Variants in RAD52 observed in about 807,000 individuals in gnomAD.
The protein encoded by RAD52 is RAD52 DNA repair protein, also known as DNA repair protein RAD52 homolog.
A neutral mutation model predicts 55.5 loss-of-function variants in RAD52; 47 were observed. The observed-to-expected ratio is 0.85, with a 90% CI of 0.67 to 1.08. The LOEUF (loss-of-function observed/expected upper bound fraction) is 1.08, where lower values mean the gene tolerates loss of function less well. RAD52 is among the 50% of genes least tolerant of loss of function. RAD52 has a pLI of 0.00. For synonymous variants in RAD52, 184 were observed against 198.9 expected (o/e 0.92, Z 0.63); for missense variants, 468 against 522.8 (o/e 0.90, Z 1.02).
chr12:955,982 T>C (rs762550196), intron 1 of RAD52, among the ~76,000 whole-genome samples: 9 of 152,170 alleles, frequency 5.9e-5, no homozygotes, highest in Non-Finnish European at 1.3e-4. Context: ...GGTTTCACCA[T>C]GTTGGCTGCC....
At chr12:916,533 C>T (rs1163797797) in intron 8 of RAD52, 50 bp from the exon 9 acceptor site, 2 of 1,605,630 alleles carry the variant, frequency 1.2e-6, no homozygotes, top group Non-Finnish European at 8.5e-7. Context: ...ACAGCCGCGG[C>T]TGCTGGGAGG....
intron 1 of RAD52, among the ~76,000 whole-genome samples, chr12:988,647 G>A (rs528033982): frequency 3.9e-5 from 6 of 152,288 alleles, no homozygotes; most frequent in Non-Finnish European, 5.9e-5. Context: ...AAGACATGGC[G>A]GAGAAGGTCA....
intron 1 of RAD52, among the ~76,000 whole-genome samples, chr12:955,462 GTTC>G (rs138210801): frequency 0.44 from 65,142 of 149,094 alleles, 14,372 homozygotes; most frequent in Admixed American, 0.47. Context: ...GCAACGTACT[GTTC>G]TTCTTCTTCT....
At position 979,687 on chromosome 12, in the gene RAD52, C is replaced by T. The variant is rs548030428; in HGVS notation, c.-19+10122G>A. Among the ~76,000 whole-genome samples the T allele has an allele frequency of 1.4e-3, 220 of 152,296 alleles. 2 individuals carry two copies. The highest frequency in any genetic ancestry group is 1.1e-3 in the Non-Finnish European group (76 of 68,032). ...TTTCCAGCACCTTGATCTTGGACTTCTAGCCTCTAAAGCTGTGAGAAAATA... is the reference window on the plus strand; with the variant it reads ...TTTCCAGCACCTTGATCTTGGACTTTTAGCCTCTAAAGCTGTGAGAAAATA... On this transcript the variant is annotated intron_variant, in intron 1 of 11. Coordinates refer to the RAD52 transcript ENST00000430095.
At position 916,644 on chromosome 12, in the gene RAD52, G is replaced by A. The variant is rs1200878628; in HGVS notation, c.720C>T (p.Ser240=). ...AGGGGACTTAGGCCGCATACCGGGA[G>A]CTGCAGTCCTGGTCCGCCGGTATCA... The part of the protein sequence containing the change: ...HAVIPADQDC[S]SRSLSSSAVE... Residue 240 remains serine, a synonymous_variant, in exon 8 of 12, where the codon AGC becomes AGT. Coordinates refer to ENST00000358495, the MANE Select transcript of RAD52 (RefSeq NM_134424.4). 47 of 1,612,834 alleles carry A rather than the reference G, an allele frequency of 2.9e-5. No individual in the cohort carries two copies. Among genetic ancestry groups the A allele is most frequent in the Non-Finnish European group, 4.0e-5 (47 of 1,179,136 alleles).
intron 1 of RAD52, among the ~76,000 whole-genome samples, chr12:966,136 A>T (rs1168971591): frequency 6.6e-6 from 1 of 151,910 alleles, no homozygotes; most frequent in Non-Finnish European, 1.5e-5. Context: ...GTTAATTTTT[A>T]AAAATTTTTT....
At chr12:929,978 C>T in intron 4 of RAD52, 73 bp downstream of exon 4, 1 of 1,573,246 alleles carries the variant, frequency 6.4e-7, no homozygotes, top group Non-Finnish European at 8.8e-7. Flanking sequence ...CCTACCTTAC[C>T]TCCTCACCCA....
At chr12:936,113 G>A (rs995112562) in intron 1 of RAD52, among the ~76,000 whole-genome samples, 24 of 151,854 alleles carry the variant, frequency 1.6e-4, no homozygotes, top group African/African-American at 5.6e-4. Context: ...AGACGAGCCT[G>A]GTCAACATGG....
At chr12:971,685 T>C (rs1048233544) in intron 1 of RAD52, among the ~76,000 whole-genome samples, 5 of 152,200 alleles carry the variant, frequency 3.3e-5, no homozygotes, top group African/African-American at 9.6e-5. Context: ...AAAAGTACAA[T>C]GCCTAACAAG....
chr12:932,859 CTAGGTA>C lies in RAD52; in HGVS notation c.84+110_84+115del, dbSNP rs1565673309. ...GTACTAGGTACTGCTCACACACGTA[CTAGGTA>C]AACGTACTAGGTACTGCTCACACAT... On this transcript the variant is annotated intron_variant, in intron 2 of 11. Coordinates refer to ENST00000358495, the MANE Select transcript of RAD52 (RefSeq NM_134424.4). The C allele has an allele frequency of 3.6e-5, 25 of 693,826 alleles. No individual in the cohort carries two copies. The Admixed American group carries it at 3.7e-4, about 10-fold the overall frequency. 43.0% of individuals were successfully genotyped at this position (693,826 alleles called of 1,614,324 possible).
intron 1 of RAD52, among the ~76,000 whole-genome samples, chr12:946,893 C>T (rs1297535553): frequency 6.6e-6 from 1 of 152,198 alleles, no homozygotes; most frequent in Non-Finnish European, 1.5e-5. Context: ...TACAAGATAA[C>T]ACGTTTTGGT....
At chr12:932,785 C>T (rs11571403) in intron 2 of RAD52, among the ~76,000 whole-genome samples, 190 bp downstream of exon 2, 5 of 140,528 alleles carry the variant, frequency 3.6e-5, no homozygotes, top group South Asian at 2.2e-4. Flanking sequence ...TGCCCCCGCA[C>T]GCACCGCGTC....
In RAD52 at chr12:968,465, G is replaced by A. The variant is rs183429832; in HGVS notation, c.-19+21344C>T. ...TTGTCTGTCTGGTGCTTCCCGGGAA[G>A]ACCCCACTTGCAAGGCTGCCTTTAT... On this transcript the variant is annotated intron_variant, in intron 1 of 11. Coordinates refer to the RAD52 transcript ENST00000430095. Among the ~76,000 whole-genome samples, 4 of 152,038 alleles carry A rather than the reference G, an allele frequency of 2.6e-5. No homozygotes were observed. The East Asian group carries it at 7.7e-4, about 29-fold the overall frequency.
intron 1 of RAD52, among the ~76,000 whole-genome samples, chr12:942,641 G>A (rs1334499353): frequency 6.6e-6 from 1 of 152,004 alleles, no homozygotes; most frequent in Non-Finnish European, 1.5e-5. Flanking sequence ...CAGCTACTCG[G>A]GAGGCTGGGG....
chr12:919,778 C>A (rs1255009641), intron 7 of RAD52, among the ~76,000 whole-genome samples: 1 of 109,870 alleles, frequency 9.1e-6, no homozygotes, highest in African/African-American at 3.9e-5. Context: ...CTGGGCTCAG[C>A]GTGGTGGCTC....
chr12:925,367 C>T, intron 7 of RAD52, 83 bp downstream of exon 7: 1 of 1,197,544 alleles, frequency 8.4e-7, no homozygotes, highest in African/African-American at 1.5e-5. Context: ...CACTTTTTCT[C>T]CTTGCATCCT....
upstream of RAD52, among the ~76,000 whole-genome samples, chr12:952,729 TAAAAATACA>T (rs1433917683): frequency 6.7e-6 from 1 of 149,730 alleles, no homozygotes; most frequent in Non-Finnish European, 1.5e-5. Context: ...CCGTCTCTAC[TAAAAATACA>T]AAAATTAGCT....
intron 1 of RAD52, among the ~76,000 whole-genome samples, chr12:978,884 T>TGATAGGTA (rs754379225): frequency 3.6e-5 from 4 of 112,012 alleles, no homozygotes; most frequent in Middle Eastern, 4.5e-3. Flanking sequence ...AAAAAGTAGA[T>TGATAGGTA]GATAGGTAGA....
intron 7 of RAD52, among the ~76,000 whole-genome samples, chr12:923,027 T>C (rs974195232): frequency 2.0e-5 from 3 of 151,760 alleles, no homozygotes; most frequent in African/African-American, 4.8e-5. Flanking sequence ...CAGCTGATTT[T>C]TGTATTTTTT....
Sources: allele counts gnomAD v4.1 joint callset (sites outside exome capture counted in the v4.1 genomes callset), GRCh38; gene constraint gnomAD v4.1.1; transcripts MANE v1.5; gene names NCBI Gene and HGNC (gene_info 2026-07-23, HGNC 2026-07-21).